The following CARMIL3 variants were observed in gnomAD, a reference collection of about 807,000 sequenced individuals.
CARMIL3 encodes the protein capping protein regulator and myosin 1 linker 3, also known as capping protein, Arp2/3 and myosin-I linker protein 3.
CARMIL3 carries 88 observed loss-of-function variants against 180.8 expected under a neutral mutation model. The ratio of observed to expected loss-of-function variants is 0.49; its 90% CI spans 0.41 to 0.58. The LOEUF (loss-of-function observed/expected upper bound fraction) is 0.58, where lower values mean the gene tolerates loss of function less well. Among genes scored for constraint, CARMIL3 ranks in the 20% least tolerant of loss-of-function variants. CARMIL3 has a pLI of 0.00. For missense variants in CARMIL3, 1,548 were observed against 1,787.0 expected, an observed-to-expected ratio of 0.87 and a Z score of 2.41; for synonymous variants, 696 against 714.5, an observed-to-expected ratio of 0.97 and a Z score of 0.41.
chr14:24,069,057 C>A, intron 38 of CARMIL3, 80 bp from the exon 39 acceptor site: 1 of 1,594,130 alleles, frequency 6.3e-7, no homozygotes, highest in Non-Finnish European at 8.6e-7. Flanking sequence ...GAATGAGTGA[C>A]AACCAGGAGT....
intron 38 of CARMIL3, 37 bp from the exon 39 acceptor site, chr14:24,069,100 C>T: frequency 1.2e-6 from 2 of 1,611,044 alleles, no homozygotes; most frequent in South Asian, 1.1e-5. Context: ...GCATGAGCCC[C>T]ACTCCTGTGT....
rs921231032 is a variant in CARMIL3 at position 24,056,679 on chromosome 14, G to T, written c.923G>T (p.Cys308Phe). 4 of 1,613,448 alleles carry T rather than the reference G, an allele frequency of 2.5e-6. No homozygotes were observed. The highest frequency in any genetic ancestry group is 2.7e-5 in the African/African-American group (2 of 74,916). ...TTCCCCTCTGGCCTCACCAAACTGTGCCTGGCCAAGACTGCCATTTCCCCT... is the reference window on the plus strand; with the variant it reads ...TTCCCCTCTGGCCTCACCAAACTGTTCCTGGCCAAGACTGCCATTTCCCCT... ...LCFPSGLTKL[C>F]LAKTAISPRG... Residue 308 changes from cysteine to phenylalanine, a missense_variant, in exon 12 of 40, where the codon TGC becomes TTC. Transcript: ENST00000342740.
At chr14:24,057,113 G>C (rs1053431919) in intron 13 of CARMIL3, 54 bp from the exon 14 acceptor site, 37 of 1,597,924 alleles carry the variant, frequency 2.3e-5, no homozygotes, top group Non-Finnish European at 2.9e-5. Context: ...GCCTCTGGGG[G>C]TGGCGAGACT....
In CARMIL3 at chr14:24,054,614, C is replaced by A; in HGVS notation, c.363-97C>A. The A allele has an allele frequency of 6.7e-7, 1 of 1,491,906 alleles. No individual in the cohort carries two copies. The highest frequency in any genetic ancestry group is 1.8e-5 in the Admixed American group (1 of 54,058). The allele number at this position is 1,491,906 out of a possible 1,614,324, so 92.4% of individuals were successfully genotyped here. On this transcript the variant is annotated intron_variant, in intron 5 of 39. Transcript: ENST00000342740. This position sits in a 1 kb window ranked among gnomAD's most constrained non-coding sequence, Gnocchi z 5.1. ...GGCTGAGAAGGAGAGCTCTCATGTC[C>A]CCACTCCTGGTTTTTCCTGGGATGC...
intron 1 of CARMIL3, among the ~76,000 whole-genome samples, chr14:24,053,036 G>A (rs1396023913): frequency 6.6e-6 from 1 of 151,794 alleles, no homozygotes; most frequent in Non-Finnish European, 1.5e-5. Flanking sequence ...CATCTTCACA[G>A]AGATGGCACC....
At chr14:24,057,719 C>T in intron 14 of CARMIL3, 84 bp from the exon 15 acceptor site, 2 of 1,202,464 alleles carry the variant, frequency 1.7e-6, no homozygotes, top group African/African-American at 1.5e-5. Context: ...CCAGGAACCT[C>T]GATGGGGAGG....
At chr14:24,069,347 G>A (rs2035835996) in intron 39 of CARMIL3, 32 bp from the exon 40 acceptor site, 2 of 1,614,010 alleles carry the variant, frequency 1.2e-6, no homozygotes, top group African/African-American at 1.3e-5. Flanking sequence ...CCCTGCCCAG[G>A]AAACAGGGCT....
Position 24,057,847 on chromosome 14 carries a change from C to T in CARMIL3, c.1185C>T (p.Tyr395=), listed in dbSNP as rs1466529284. Residue 395 remains tyrosine, a synonymous_variant, in exon 15 of 40, where the codon TAC becomes TAT. Coordinates refer to ENST00000342740, the MANE Select transcript of CARMIL3 (RefSeq NM_138360.4). Reference sequence around the variant, plus strand: ...ACGGCTGCTGCTCCCACCTCACCTACCTCAACCTGGCTCGCAACAGCTGCT... The same window carrying T: ...ACGGCTGCTGCTCCCACCTCACCTATCTCAACCTGGCTCGCAACAGCTGCT... ...LLHGCCSHLT[Y]LNLARNSCSH... The T allele has an allele frequency of 6.2e-6, 10 of 1,612,288 alleles. No homozygotes were observed. Among genetic ancestry groups the T allele is most frequent in the African/African-American group, 1.3e-5 (1 of 74,824 alleles).
Position 24,061,193 on chromosome 14 carries a change from G to A in CARMIL3, c.2304+153G>A, listed in dbSNP as rs2138752485. The A allele has an allele frequency of 1.5e-6, 1 of 684,074 alleles. No homozygotes were observed. Among genetic ancestry groups the A allele is most frequent in the East Asian group, 2.7e-5 (1 of 36,596 alleles). The allele number at this position is 684,074 out of a possible 1,614,324, so 42.4% of individuals were successfully genotyped here. A position where few individuals can be genotyped will look rare whatever the true frequency, so the allele number is the denominator to read the frequency against. On this transcript the variant is annotated intron_variant, in intron 26 of 39. Coordinates refer to ENST00000342740, the MANE Select transcript of CARMIL3 (RefSeq NM_138360.4). The surrounding 1 kb of genome is among the most constrained non-coding windows in gnomAD (Gnocchi z 4.1). Reference sequence around the variant, plus strand: ...CACGCTCCCACTGTACCAAGGCATTGCTGCAATATCAGGCTTGGATTTTTT... The same window carrying A: ...CACGCTCCCACTGTACCAAGGCATTACTGCAATATCAGGCTTGGATTTTTT...
At chr14:24,063,072 G>T in intron 29 of CARMIL3, 48 bp from the exon 30 acceptor site, 1 of 1,598,750 alleles carries the variant, frequency 6.3e-7, no homozygotes, top group Non-Finnish European at 8.6e-7. Context: ...AGGAATGGAT[G>T]GCTCTGGGTG....
chr14:24,055,171 G>T, intron 7 of CARMIL3, 35 bp downstream of exon 7: 1 of 1,614,012 alleles, frequency 6.2e-7, no homozygotes, highest in Non-Finnish European at 8.5e-7. Context: ...GGAACAGGTG[G>T]GACCTGGAGG....
intron 8 of CARMIL3, 25 bp downstream of exon 8, chr14:24,055,335 A>G: frequency 1.9e-6 from 3 of 1,612,988 alleles, no homozygotes; most frequent in Non-Finnish European, 1.7e-6. Flanking sequence ...CAGAGACTCC[A>G]CCCTCAAATT....
chr14:24,060,575 T>A (rs2035722398), intron 24 of CARMIL3, 53 bp from the exon 25 acceptor site: 1 of 1,600,928 alleles, frequency 6.2e-7, no homozygotes, highest in African/African-American at 1.3e-5. Context: ...GGGTCCTACC[T>A]GCGAAGATGT....
intron 1 of CARMIL3, among the ~76,000 whole-genome samples, chr14:24,052,685 G>A (rs1345342497): frequency 2.0e-5 from 3 of 152,236 alleles, no homozygotes; most frequent in Non-Finnish European, 4.4e-5. Context: ...CCAGGCCAGT[G>A]GGGCAAAGAA....
In CARMIL3 at chr14:24,054,417, G is replaced by A. The variant is rs754362415; in HGVS notation, c.268G>A (p.Gly90Ser). 2.5e-6 allele frequency: 4 copies of A among 1,614,126 alleles called. No individual in the cohort carries two copies. The South Asian group carries it at 3.3e-5, about 13-fold the overall frequency. The change falls in exon 5 of 40, where the codon GGC (glycine) becomes AGC (serine). Residue 90 changes from glycine (G) to serine (S), a missense_variant. Physicochemically the swap from Gly to Ser is moderately conservative, Grantham distance 56. Transcript: ENST00000342740. The surrounding 1 kb of genome is among the most constrained non-coding windows in gnomAD (Gnocchi z 5.1). ...CCAGATCCTGGTGGAGACGGAGCGT[G>A]GCATGGTGAGCATGCGACTGCCATC... ...QNQILVETER[G>S]MVSMRLPSAE...
At chr14:24,064,390 C>A in intron 32 of CARMIL3, 44 bp downstream of exon 32, 2 of 1,438,278 alleles carry the variant, frequency 1.4e-6, no homozygotes, top group Non-Finnish European at 1.9e-6. Context: ...GGCCCCAAGG[C>A]CCTAGAAGGG....
Position 24,069,541 on chromosome 14 carries a change from C to A in CARMIL3, c.*137C>A. On this transcript the variant is annotated 3_prime_UTR_variant, in exon 40 of 40. Coordinates refer to ENST00000342740, the MANE Select transcript of CARMIL3 (RefSeq NM_138360.4). ...GACGGCAGGACCAGGCATGGGGGAG[C>A]TGGAGGCAGGGACTAGAACAGAGGG... is the stretch of plus-strand genomic sequence containing the variant. 1 of 1,162,128 alleles carries A rather than the reference C, an allele frequency of 8.6e-7. No homozygotes were observed. The highest frequency in any genetic ancestry group is 1.2e-6 in the Non-Finnish European group (1 of 819,252). 72.0% of individuals were successfully genotyped at this position (1,162,128 alleles called of 1,614,324 possible). A position where few individuals can be genotyped will look rare whatever the true frequency, so the allele number is the denominator to read the frequency against.
At chr14:24,067,006 AGG>A (rs2035793845) in intron 36 of CARMIL3, among the ~76,000 whole-genome samples, 2 of 152,192 alleles carry the variant, frequency 1.3e-5, no homozygotes, top group Non-Finnish European at 2.9e-5. Flanking sequence ...TGCTGGGAAG[AGG>A]GTGGGCAAGT....
At position 24,054,355 on chromosome 14, in the gene CARMIL3, A is replaced by T; in HGVS notation, c.247-41A>T. ...CTGGGCCAGCTGGAGGAGGGAGCAG[A>T]GAGGAGGGAGTCTGAGGCTCTGACG... On this transcript the variant is annotated intron_variant, in intron 4 of 39. Coordinates refer to ENST00000342740, the MANE Select transcript of CARMIL3 (RefSeq NM_138360.4). The surrounding 1 kb of genome is among the most constrained non-coding windows in gnomAD (Gnocchi z 5.1). The T allele has an allele frequency of 6.2e-7, 1 of 1,613,832 alleles. No individual in the cohort carries two copies. Among genetic ancestry groups the T allele is most frequent in the Non-Finnish European group, 8.5e-7 (1 of 1,179,748 alleles).
Sources: gnomAD v4.1 joint callset for allele counts (sites outside exome capture counted in the v4.1 genomes callset) on GRCh38, gnomAD v4.1.1 for gene constraint, Gnocchi (gnomAD v3.1) non-coding constraint, MANE v1.5 for transcripts, NCBI Gene and HGNC (gene_info 2026-07-23, HGNC 2026-07-21) for gene names.